Variants in MAD1L1 observed in about 807,000 individuals in gnomAD.
The protein encoded by MAD1L1 is mitotic arrest deficient 1 like 1.
A neutral mutation model predicts 96.9 loss-of-function variants in MAD1L1; 95 were observed. The ratio of observed to expected loss-of-function variants is 0.98; its 90% CI spans 0.83 to 1.16. The LOEUF (loss-of-function observed/expected upper bound fraction) is 1.16. MAD1L1 is among the 50% of genes most tolerant of loss of function. MAD1L1 has a pLI of 0.00. For missense variants in MAD1L1, 1,007 were observed against 954.4 expected (o/e 1.06, Z -0.73); for synonymous variants, 473 against 396.6 (o/e 1.19, Z -2.29).
chr7:2,061,516 C>T (rs1784659547), intron 12 of MAD1L1, among the ~76,000 whole-genome samples: 1 of 152,206 alleles, frequency 6.6e-6, no homozygotes, highest in Non-Finnish European at 1.5e-5. Flanking sequence ...CGAGTACAGG[C>T]CCCCACCAGG....
chr7:2,062,432 C>T (rs570681981), intron 12 of MAD1L1, among the ~76,000 whole-genome samples: 9 of 150,888 alleles, frequency 6.0e-5, no homozygotes, highest in African/African-American at 1.9e-4. Flanking sequence ...AAAATTAGCC[C>T]GGTGTGGTGA....
chr7:2,197,513 A>G (rs1032168551), intron 10 of MAD1L1, among the ~76,000 whole-genome samples: 2 of 152,138 alleles, frequency 1.3e-5, no homozygotes, highest in African/African-American at 4.8e-5. Flanking sequence ...CGCCTGGTAC[A>G]CACGACGTGC....
chr7:1,916,748 G>A (rs1276071708), intron 17 of MAD1L1, among the ~76,000 whole-genome samples: 3 of 152,138 alleles, frequency 2.0e-5, no homozygotes, highest in Non-Finnish European at 1.5e-5. Flanking sequence ...TCCCTCATGA[G>A]TAGAAATGAC....
rs941766540 is a variant in MAD1L1, at chr7:1,968,607, G to A, written c.1506-10888C>T. Among the ~76,000 whole-genome samples, 1 of 151,824 alleles carries A rather than the reference G, an allele frequency of 6.6e-6. No individual in the cohort carries two copies. The highest frequency in any genetic ancestry group is 2.4e-5 in the African/African-American group (1 of 41,290). On this transcript the variant is annotated intron_variant, in intron 15 of 18. Transcript: ENST00000265854. The surrounding 1 kb of genome is among the most constrained non-coding windows in gnomAD (Gnocchi z 5.6). ...GTCCACGCCTCAGTCCGGCAGTCAG[G>A]TCCGCTGTCAACGCCTCAGTCCAGC...
At chr7:2,065,919 C>T (rs55801877) in intron 12 of MAD1L1, among the ~76,000 whole-genome samples, 5,113 of 152,352 alleles carry the variant, frequency 0.034, 182 homozygotes, top group Admixed American at 0.094. Context: ...AAACAAGACT[C>T]TGCAGCCATA....
At position 1,931,868 on chromosome 7, in the gene MAD1L1, A is replaced by C. The variant is rs369820100; in HGVS notation, c.1807+4819T>G. On this transcript the variant is annotated intron_variant, in intron 17 of 18. Transcript: ENST00000265854. ...CACGCACTCAGCCTTCTAGGTGCTCATGGCTCTTGGCAGCCATCCCTCTTT... is the reference window on the plus strand; with the variant it reads ...CACGCACTCAGCCTTCTAGGTGCTCCTGGCTCTTGGCAGCCATCCCTCTTT... Among the ~76,000 whole-genome samples the C allele has an allele frequency of 6.6e-5, 10 of 152,290 alleles. No individual in the cohort carries two copies. In the East Asian group the frequency reaches 1.4e-3, roughly 21 times the overall value.
chr7:1,916,650 C>G (rs983222529), intron 17 of MAD1L1, among the ~76,000 whole-genome samples: 3 of 152,204 alleles, frequency 2.0e-5, no homozygotes, highest in African/African-American at 7.2e-5. Flanking sequence ...CTGCCCAGGC[C>G]AGGCCTGGGG....
intron 11 of MAD1L1, among the ~76,000 whole-genome samples, chr7:2,143,091 C>A (rs1051327247): frequency 1.3e-5 from 2 of 152,048 alleles, no homozygotes; most frequent in Non-Finnish European, 2.9e-5. Context: ...CCAGTGATGA[C>A]AAGGACTAGC....
At chr7:2,190,481 T>C (rs961898908) in intron 10 of MAD1L1, among the ~76,000 whole-genome samples, 2 of 152,012 alleles carry the variant, frequency 1.3e-5, no homozygotes, top group Non-Finnish European at 2.9e-5. Flanking sequence ...CTTAGCAAAA[T>C]TAAAAGTTTT....
chr7:2,186,473 A>C (rs73039288), intron 10 of MAD1L1, among the ~76,000 whole-genome samples: 3,994 of 152,378 alleles, frequency 0.026, 91 homozygotes, highest in South Asian at 0.073. Flanking sequence ...ACGTCCATGC[A>C]CATAAAAATT....
intron 18 of MAD1L1, among the ~76,000 whole-genome samples, chr7:1,874,168 G>T (rs927345522): frequency 6.6e-6 from 1 of 152,208 alleles, no homozygotes; most frequent in South Asian, 2.1e-4. Context: ...CCAGCAGACA[G>T]TGGCTGGCGC....
chr7:2,097,680 G>T (rs1786564954), intron 11 of MAD1L1, among the ~76,000 whole-genome samples: 1 of 152,176 alleles, frequency 6.6e-6, no homozygotes, highest in Non-Finnish European at 1.5e-5. Flanking sequence ...AGGTGCAGAA[G>T]GGCACGCCCC....
At position 2,196,035 on chromosome 7, in the gene MAD1L1, G is replaced by T. The variant is rs1584521190; in HGVS notation, c.986+17177C>A. Among the ~76,000 whole-genome samples the T allele has an allele frequency of 3.3e-5, 5 of 152,372 alleles. No individual in the cohort carries two copies. The South Asian group carries it at 1.0e-3, about 32-fold the overall frequency. Reference sequence around the variant, plus strand: ...GCAGGATCCAGCTGCATGGCACCATGTGGCCAGCCAGATGGATGGAGGTTA... The same window carrying T: ...GCAGGATCCAGCTGCATGGCACCATTTGGCCAGCCAGATGGATGGAGGTTA... On this transcript the variant is annotated intron_variant, in intron 10 of 18. Coordinates refer to ENST00000265854, the MANE Select transcript of MAD1L1 (RefSeq NM_001013836.2).
At chr7:1,833,111 T>C (rs1349741952) in intron 18 of MAD1L1, among the ~76,000 whole-genome samples, 3 of 152,210 alleles carry the variant, frequency 2.0e-5, no homozygotes, top group African/African-American at 4.8e-5. Context: ...AATCAGAACA[T>C]GTACATTGTT....
chr7:2,114,784 T>G lies in MAD1L1; in HGVS notation c.1073+34368A>C, dbSNP rs981271921. On this transcript the variant is annotated intron_variant, in intron 11 of 18. Transcript: ENST00000265854. This position sits in a 1 kb window ranked among gnomAD's most constrained non-coding sequence, Gnocchi z 4.2. ...TTCAGCGTCTTCGACAGAGACCACC[T>G]GCCCGGCAAACCCCAAAGAGTCCGT... Among the ~76,000 whole-genome samples, 1 of 152,206 alleles carries G rather than the reference T, an allele frequency of 6.6e-6. No homozygotes were observed. The highest frequency in any genetic ancestry group is 2.4e-5 in the African/African-American group (1 of 41,448).
intron 17 of MAD1L1, among the ~76,000 whole-genome samples, chr7:1,916,486 G>A (rs1160401935): frequency 2.6e-5 from 4 of 152,286 alleles, no homozygotes; most frequent in African/African-American, 4.8e-5. Context: ...CACGCTGGGC[G>A]GTATAGAGAG....
chr7:2,189,817 A>G (rs1584510208), intron 10 of MAD1L1, among the ~76,000 whole-genome samples: 1 of 152,322 alleles, frequency 6.6e-6, no homozygotes, highest in Non-Finnish European at 1.5e-5. Flanking sequence ...TTGACCCAAT[A>G]CAACAAATCG....
intron 10 of MAD1L1, among the ~76,000 whole-genome samples, chr7:2,179,756 G>C (rs929186053): frequency 6.6e-6 from 1 of 152,064 alleles, no homozygotes; most frequent in Non-Finnish European, 1.5e-5. Flanking sequence ...GATCACCTGA[G>C]GTCAGGAGTT....
At chr7:2,157,888 G>C (rs1012717737) in intron 10 of MAD1L1, among the ~76,000 whole-genome samples, 1 of 152,206 alleles carries the variant, frequency 6.6e-6, no homozygotes, top group African/African-American at 2.4e-5. Flanking sequence ...TTAGCTAAGT[G>C]CTCGTAACCA....
Sources: gnomAD v4.1 joint callset for allele counts (sites outside exome capture counted in the v4.1 genomes callset) on GRCh38, gnomAD v4.1.1 for gene constraint, Gnocchi (gnomAD v3.1) non-coding constraint, MANE v1.5 for transcripts, NCBI Gene and HGNC (gene_info 2026-07-23, HGNC 2026-07-21) for gene names.